The following CRPPA variants were observed in gnomAD, a reference collection of about 807,000 sequenced individuals.
CRPPA encodes D-ribitol-5-phosphate cytidylyltransferase.
CRPPA carries 43 observed loss-of-function variants against 52.0 expected under a neutral mutation model. The ratio of observed to expected loss-of-function variants is 0.83; its 90% CI spans 0.65 to 1.07. The LOEUF (loss-of-function observed/expected upper bound fraction) is 1.07, where lower values mean the gene tolerates loss of function less well. Ranked by LOEUF, CRPPA falls within the 50% of genes least tolerant of loss-of-function variation. The pLI is 0.00. For synonymous variants in CRPPA, 250 were observed against 203.5 expected, an observed-to-expected ratio of 1.23 and a Z score of -1.94; for missense variants, 629 against 551.7, an observed-to-expected ratio of 1.14 and a Z score of -1.40.
At chr7:16,290,197 A>C (rs1406127919) in intron 5 of CRPPA, among the ~76,000 whole-genome samples, 1 of 152,092 alleles carries the variant, frequency 6.6e-6, no homozygotes, top group Non-Finnish European at 1.5e-5. Flanking sequence ...AATCAAAAGA[A>C]TATTGTTAAA....
rs1224170308 is a variant in CRPPA at position 16,303,498 on chromosome 7, A to AAACAAAAAAT, written c.790-2033_790-2032insATTTTTTGTT. 8.6e-4 allele frequency among the ~76,000 whole-genome samples: 129 copies of AAACAAAAAAT among 149,610 alleles called. 4 individuals are homozygous for AAACAAAAAAT. The Admixed American group carries it at 8.7e-3, about 10-fold the overall frequency. ...ATAGTAAAAAAAAAAAAAAAAAAAA[A>AAACAAAAAAT]AAAAACTTTCAGAACACAGCCAGTT... On this transcript the variant is annotated intron_variant, in intron 4 of 9. Transcript: ENST00000407010.
intron 9 of CRPPA, among the ~76,000 whole-genome samples, chr7:16,161,756 A>C (rs1780894788): frequency 6.6e-6 from 1 of 152,172 alleles, no homozygotes; most frequent in Non-Finnish European, 1.5e-5. Context: ...TTTCAGACAG[A>C]ATGGTACCAG....
chr7:16,185,902 T>G (rs1020182706), intron 9 of CRPPA, among the ~76,000 whole-genome samples: 1 of 152,192 alleles, frequency 6.6e-6, no homozygotes, highest in African/African-American at 2.4e-5. Flanking sequence ...ATTCCATTTC[T>G]TAGATTTCTG....
intron 1 of CRPPA, among the ~76,000 whole-genome samples, chr7:16,417,706 A>G (rs1026653931): frequency 6.6e-6 from 1 of 152,160 alleles, no homozygotes; most frequent in African/African-American, 2.4e-5. Context: ...GATGGGATCA[A>G]TCATACCCTA....
At chr7:16,374,633 C>A (rs1457325934) in intron 3 of CRPPA, among the ~76,000 whole-genome samples, 1 of 152,160 alleles carries the variant, frequency 6.6e-6, no homozygotes, top group Non-Finnish European at 1.5e-5. Flanking sequence ...ATCTACCAGT[C>A]TATCTGCATC....
intron 3 of CRPPA, among the ~76,000 whole-genome samples, chr7:16,364,396 A>G (rs1786535767): frequency 6.6e-6 from 1 of 152,232 alleles, no homozygotes; most frequent in African/African-American, 2.4e-5. Context: ...GTATGTGTAT[A>G]TTGCCTTTTG....
intron 3 of CRPPA, among the ~76,000 whole-genome samples, chr7:16,351,651 C>T (rs1009414422): frequency 1.3e-5 from 2 of 151,818 alleles, no homozygotes; most frequent in African/African-American, 4.8e-5. Flanking sequence ...TGCGGCCAAA[C>T]ATATGAAAAA....
chr7:16,302,158 C>T (rs1157356289), intron 4 of CRPPA, among the ~76,000 whole-genome samples: 7 of 151,670 alleles, frequency 4.6e-5, no homozygotes, highest in East Asian at 1.9e-4. Context: ...TAGCCAGGCG[C>T]GGTGGCGGGC....
chr7:16,216,920 C>G lies in CRPPA; in HGVS notation c.1120-723G>C, dbSNP rs1410025729. 6.6e-4 allele frequency among the ~76,000 whole-genome samples: 100 copies of G among 151,836 alleles called. No homozygotes were observed. The South Asian group carries it at 0.012, about 18-fold the overall frequency. On this transcript the variant is annotated intron_variant, in intron 8 of 9. Coordinates refer to ENST00000407010, the MANE Select transcript of CRPPA (RefSeq NM_001101426.4). ...GGTAAACAAAGCAGCCGGGAAGCTCCAACTGGGTGGAGCCCACCACAGCTC... is the reference window on the plus strand; with the variant it reads ...GGTAAACAAAGCAGCCGGGAAGCTCGAACTGGGTGGAGCCCACCACAGCTC...
At chr7:16,240,031 A>G (rs1783063364) in intron 8 of CRPPA, among the ~76,000 whole-genome samples, 1 of 151,996 alleles carries the variant, frequency 6.6e-6, no homozygotes, top group Non-Finnish European at 1.5e-5. Flanking sequence ...TTACATGTCC[A>G]TCACAACTAA....
chr7:16,417,498 T>G (rs904452150), intron 1 of CRPPA, among the ~76,000 whole-genome samples: 2 of 152,144 alleles, frequency 1.3e-5, no homozygotes, highest in Non-Finnish European at 2.9e-5. Context: ...AGCAACATGA[T>G]TGCAGCTGGA....
intron 8 of CRPPA, among the ~76,000 whole-genome samples, chr7:16,242,146 G>A (rs1583459125): frequency 6.6e-6 from 1 of 151,052 alleles, no homozygotes; most frequent in East Asian, 1.9e-4. Context: ...AGTAGAGATG[G>A]GATTTTACCA....
rs1354273700 is a variant in CRPPA at position 16,089,220 on chromosome 7, ATG to A, written c.*2473_*2474del. 1 of 371,150 alleles carries A rather than the reference ATG, an allele frequency of 2.7e-6. No homozygotes were observed. Among genetic ancestry groups the A allele is most frequent in the Non-Finnish European group, 5.9e-6 (1 of 169,142 alleles). The allele number at this position is 371,150 out of a possible 1,614,324, so 23.0% of individuals were successfully genotyped here. A position where few individuals can be genotyped will look rare whatever the true frequency, so the allele number is the denominator to read the frequency against. ...TGTATATACGTACGTATATACATAT[ATG>A]TGTGTATGCGTACGTATATACATAT... On this transcript the variant is annotated 3_prime_UTR_variant, in exon 10 of 10. Coordinates refer to ENST00000407010, the MANE Select transcript of CRPPA (RefSeq NM_001101426.4).
intron 6 of CRPPA, among the ~76,000 whole-genome samples, chr7:16,259,714 A>G (rs547951407): frequency 4.6e-5 from 7 of 152,110 alleles, no homozygotes; most frequent in Middle Eastern, 3.4e-3. Context: ...GGGATCTGTG[A>G]TATCTTTGCT....
chr7:16,363,986 T>C (rs1184822623), intron 3 of CRPPA, among the ~76,000 whole-genome samples: 1 of 152,112 alleles, frequency 6.6e-6, no homozygotes. Context: ...ATTACTAATA[T>C]AAAGTAAAAA....
intron 9 of CRPPA, among the ~76,000 whole-genome samples, chr7:16,156,115 C>CA (rs35258024): frequency 0.07 from 7,858 of 111,870 alleles, 320 homozygotes; most frequent in East Asian, 0.25. Flanking sequence ...TATTCAAAAG[C>CA]AAAAAAAAAA....
intron 2 of CRPPA, among the ~76,000 whole-genome samples, chr7:16,385,345 T>C (rs1181331250): frequency 6.6e-6 from 1 of 152,124 alleles, no homozygotes; most frequent in Non-Finnish European, 1.5e-5. Flanking sequence ...AATCCACATC[T>C]AGACACATCA....
At chr7:16,178,360 G>T (rs1781347002) in intron 9 of CRPPA, among the ~76,000 whole-genome samples, 1 of 152,072 alleles carries the variant, frequency 6.6e-6, no homozygotes, top group Non-Finnish European at 1.5e-5. Flanking sequence ...AAGTACAGTT[G>T]TTGAGCAGAA....
rs563953943 is a variant in CRPPA, at chr7:16,399,832, C to T, written c.534+6229G>A. On this transcript the variant is annotated intron_variant, in intron 2 of 9. Coordinates refer to ENST00000407010, the MANE Select transcript of CRPPA (RefSeq NM_001101426.4). ...ACACTTGATCGTCACGTGATCAGCA[C>T]GTGTGGCACATGACAGACACCTGAT... Among the ~76,000 whole-genome samples, 15 of 152,160 alleles carry T rather than the reference C, an allele frequency of 9.9e-5. No homozygotes were observed. The East Asian group carries it at 2.1e-3, about 22-fold the overall frequency.
Sources: gnomAD v4.1 joint callset for allele counts (sites outside exome capture counted in the v4.1 genomes callset) on GRCh38, gnomAD v4.1.1 for gene constraint, MANE v1.5 for transcripts, NCBI Gene and HGNC (gene_info 2026-07-23, HGNC 2026-07-21) for gene names.